PLPP3: variants seen among roughly 807,000 people sequenced by gnomAD.
The protein encoded by PLPP3 is phospholipid phosphatase 3, also known as PAP2 beta.
A neutral mutation model predicts 29.6 loss-of-function variants in PLPP3; 6 were observed. The observed-to-expected ratio is 0.20, with a 90% CI of 0.11 to 0.40. PLPP3 has a LOEUF of 0.40. Among genes scored for constraint, PLPP3 ranks in the 10% least tolerant of loss-of-function variants. The pLI is 1.00. For synonymous variants in PLPP3, 152 were observed against 159.7 expected, an observed-to-expected ratio of 0.95 and a Z score of 0.36; for missense variants, 308 against 407.7, an observed-to-expected ratio of 0.76 and a Z score of 2.11.
intron 5 of PLPP3, among the ~76,000 whole-genome samples, chr1:56,510,369 G>C (rs1204090313): frequency 6.6e-6 from 1 of 152,066 alleles, no homozygotes; most frequent in Admixed American, 6.5e-5. Context: ...CTTTTAAAAA[G>C]AAAAAAGAAA....
At chr1:56,509,121 CA>C (rs1480187367) in intron 5 of PLPP3, among the ~76,000 whole-genome samples, 5 of 152,280 alleles carry the variant, frequency 3.3e-5, no homozygotes, top group East Asian at 1.9e-4. Flanking sequence ...GGCTGGGTGT[CA>C]GGCATTTGGA....
At chr1:56,499,168 CACTATATCCT>C (rs1244982217) in intron 5 of PLPP3, among the ~76,000 whole-genome samples, 4 of 148,912 alleles carry the variant, frequency 2.7e-5, no homozygotes, top group Non-Finnish European at 5.9e-5. Context: ...AGCTCACAGT[CACTATATCCT>C]AGGGTTTCCA....
At chr1:56,515,993 G>C (rs1000940865) in intron 4 of PLPP3, among the ~76,000 whole-genome samples, 8 of 152,160 alleles carry the variant, frequency 5.3e-5, no homozygotes, top group Non-Finnish European at 1.2e-4. Context: ...CAGAAATCCA[G>C]GTTACCTTTC....
rs1439062223 is a variant in PLPP3 at position 56,511,967 on chromosome 1, G to A, written c.810+9C>T. ...TCCACTTGCATATTGAGGACAAGAT[G>A]CTACTTACTATGCAGCAGGCCACCA... On this transcript the variant is annotated intron_variant, in intron 5 of 5. Transcript: ENST00000371250. 7 of 1,613,262 alleles carry A rather than the reference G, an allele frequency of 4.3e-6. No individual in the cohort carries two copies. The highest frequency in any genetic ancestry group is 3.3e-5 in the Admixed American group (2 of 59,878).
intron 1 of PLPP3, among the ~76,000 whole-genome samples, chr1:56,575,309 C>A (rs1162341166): frequency 6.6e-6 from 1 of 152,106 alleles, no homozygotes; most frequent in Non-Finnish European, 1.5e-5. Context: ...TGCACTATAC[C>A]ATGCTGCCCC....
chr1:56,564,057 T>A (rs1646146483), intron 1 of PLPP3, among the ~76,000 whole-genome samples: 1 of 152,270 alleles, frequency 6.6e-6, no homozygotes, highest in Admixed American at 6.5e-5. Context: ...TGCTCATTAT[T>A]GAAACTAATA....
intron 1 of PLPP3, among the ~76,000 whole-genome samples, chr1:56,548,911 TC>T (rs1361736106): frequency 6.6e-6 from 1 of 151,434 alleles, no homozygotes; most frequent in Non-Finnish European, 1.5e-5. Context: ...AAAAAAAAGA[TC>T]CAGAACTGAA....
intron 2 of PLPP3, among the ~76,000 whole-genome samples, chr1:56,533,347 G>C (rs187058793): frequency 3.3e-5 from 5 of 152,138 alleles, no homozygotes; most frequent in Admixed American, 1.3e-4. Flanking sequence ...TTGCCTGCTC[G>C]AGATGGGGTA....
intron 1 of PLPP3, among the ~76,000 whole-genome samples, chr1:56,570,222 C>T (rs948500262): frequency 3.9e-5 from 6 of 152,032 alleles, no homozygotes; most frequent in African/African-American, 1.5e-4. Context: ...AATTTGGGGG[C>T]CAGATATAAA....
chr1:56,501,513 C>G (rs1645668040), intron 5 of PLPP3, among the ~76,000 whole-genome samples: 1 of 152,098 alleles, frequency 6.6e-6, no homozygotes, highest in Non-Finnish European at 1.5e-5. Flanking sequence ...TGTCCCATTC[C>G]CTTCTCTCCC....
chr1:56,570,425 C>T (rs776078155), intron 1 of PLPP3, among the ~76,000 whole-genome samples: 5 of 152,238 alleles, frequency 3.3e-5, no homozygotes, highest in Non-Finnish European at 7.3e-5. Context: ...ACACTTACCA[C>T]CAATACCTTG....
intron 2 of PLPP3, among the ~76,000 whole-genome samples, chr1:56,529,693 T>C (rs535678612): frequency 6.6e-6 from 1 of 152,288 alleles, no homozygotes; most frequent in South Asian, 2.1e-4. Context: ...CTTTAGTAAC[T>C]AGAAATAGTT....
intron 4 of PLPP3, among the ~76,000 whole-genome samples, chr1:56,516,147 A>G (rs7525693): frequency 0.97 from 148,402 of 152,246 alleles, 72,457 homozygotes; most frequent in Non-Finnish European, 1. Context: ...GAAAAAAGCC[A>G]GTAGCAACAG....
At chr1:56,566,020 C>T (rs1349345634) in intron 1 of PLPP3, among the ~76,000 whole-genome samples, 1 of 152,222 alleles carries the variant, frequency 6.6e-6, no homozygotes, top group Non-Finnish European at 1.5e-5. Flanking sequence ...ACATCACAAA[C>T]ACAGCATGCT....
chr1:56,524,548 T>C lies in PLPP3; in HGVS notation c.304A>G (p.Thr102Ala), dbSNP rs1231942061. The C allele has an allele frequency of 1.2e-6, 2 of 1,608,202 alleles. No individual in the cohort carries two copies. The highest frequency in any genetic ancestry group is 1.7e-5 in the Admixed American group (1 of 59,942). The change falls in exon 3 of 6, where the codon ACG becomes GCG. Residue 102 changes from threonine to alanine, a missense_variant. This residue lies in a region of PLPP3 where 232 missense variants were observed against 317.2 expected (regional missense o/e 0.73). Coordinates refer to ENST00000371250, the MANE Select transcript of PLPP3 (RefSeq NM_003713.5). This position sits in a 1 kb window ranked among gnomAD's most constrained non-coding sequence, Gnocchi z 4.3. ...TAATAGATCCGGTAGAATTCCCCCG[T>C]GATGATCTAAAAGGAATCCAACAGG... Reference protein sequence around the residue: ...GIVIAILAIITGEFYRIYYLK... With the variant: ...GIVIAILAIIAGEFYRIYYLK...
In PLPP3 at chr1:56,495,190, G is replaced by A. The variant is rs933185007; in HGVS notation, c.*1361C>T. On this transcript the variant is annotated 3_prime_UTR_variant, in exon 6 of 6. Transcript: ENST00000371250. ...TTGCTATAAGTTGAAATGAAAGGAC[G>A]GATTCTGTAGTAAGGATGTGCATGT... 2.0e-5 allele frequency: 3 copies of A among 152,356 alleles called. No individual in the cohort carries two copies. Among genetic ancestry groups the A allele is most frequent in the South Asian group, 2.1e-4 (1 of 4,806 alleles). The allele number at this position is 152,356 out of a possible 1,614,324, so 9.4% of individuals were successfully genotyped here.
rs138740802 is a variant in PLPP3 at position 56,541,006 on chromosome 1, A to G, written c.140-3894T>C. 8.7e-3 allele frequency among the ~76,000 whole-genome samples: 1,318 copies of G among 152,308 alleles called. 13 individuals carry two copies. The highest frequency in any genetic ancestry group is 0.03 in the African/African-American group (1,258 of 41,564). ...AGACACTGGAATTCTGGAAGTCAAT[A>G]CATCATAGTACCTGCCCCGGAGGAG... On this transcript the variant is annotated intron_variant, in intron 1 of 5. Transcript: ENST00000371250.
At chr1:56,557,034 G>GAAAGAA (rs1309537722) in intron 1 of PLPP3, among the ~76,000 whole-genome samples, 16 of 25,922 alleles carry the variant, frequency 6.2e-4, no homozygotes, top group Non-Finnish European at 1.3e-3. Context: ...GAAAGAGAGA[G>GAAAGAA]AGAGAGAGAG....
chr1:56,552,584 C>A (rs55751848), intron 1 of PLPP3, among the ~76,000 whole-genome samples: 5 of 151,830 alleles, frequency 3.3e-5, no homozygotes, highest in East Asian at 3.9e-4. Flanking sequence ...TTTCTGCCCT[C>A]AGAGAGCTCC....
Sources: allele counts gnomAD v4.1 joint callset (sites outside exome capture counted in the v4.1 genomes callset), GRCh38; gene constraint gnomAD v4.1.1; regional missense constraint gnomAD v4.1.1; non-coding constraint Gnocchi (gnomAD v3.1); transcripts MANE v1.5; gene names NCBI Gene and HGNC (gene_info 2026-07-23, HGNC 2026-07-21).